Variants in ITPR2 observed in about 807,000 individuals in gnomAD.
ITPR2 encodes the protein inositol 1,4,5-trisphosphate receptor type 2.
Under a neutral mutation model 317.1 loss-of-function variants are expected in ITPR2, and 207 were observed. The observed-to-expected ratio is 0.65, with a 90% confidence interval of 0.58 to 0.73. The LOEUF (loss-of-function observed/expected upper bound fraction) is 0.73, where lower values mean the gene tolerates loss of function less well. Among genes scored for constraint, ITPR2 ranks in the 30% least tolerant of loss-of-function variants. The pLI is 0.00. For missense variants in ITPR2, 2,613 were observed against 3,284.0 expected (o/e 0.80, Z 4.99); for synonymous variants, 1,156 against 1,149.1 (o/e 1.01, Z -0.12).
chr12:26,743,920 G>A (rs1029109920), intron 2 of ITPR2, among the ~76,000 whole-genome samples: 2 of 152,026 alleles, frequency 1.3e-5, no homozygotes, highest in Non-Finnish European at 2.9e-5. Flanking sequence ...AAAACCTCAT[G>A]TCCAAAACAA....
At chr12:26,779,752 G>A (rs111230024) in intron 2 of ITPR2, among the ~76,000 whole-genome samples, 4 of 152,366 alleles carry the variant, frequency 2.6e-5, no homozygotes, top group African/African-American at 9.6e-5. Flanking sequence ...ACTTCAAGCA[G>A]TGCACTTGGT....
At chr12:26,449,188 G>C (rs747534420) in intron 45 of ITPR2, among the ~76,000 whole-genome samples, 1 of 151,982 alleles carries the variant, frequency 6.6e-6, no homozygotes. Context: ...CTGTGACATA[G>C]CAATTGGCTT....
intron 45 of ITPR2, among the ~76,000 whole-genome samples, chr12:26,466,160 TACATTC>T (rs1165389513): frequency 6.6e-6 from 1 of 152,244 alleles, no homozygotes; most frequent in African/African-American, 2.4e-5. Context: ...CAACATTAAT[TACATTC>T]ACTCCTGCTA....
intron 32 of ITPR2, among the ~76,000 whole-genome samples, chr12:26,592,095 G>T (rs1244515350): frequency 6.6e-6 from 1 of 152,202 alleles, no homozygotes; most frequent in African/African-American, 2.4e-5. Flanking sequence ...CCAGTCATCT[G>T]CAACAACATA....
chr12:26,382,042 C>T (rs1939524913), intron 55 of ITPR2, among the ~76,000 whole-genome samples: 1 of 152,150 alleles, frequency 6.6e-6, no homozygotes. Flanking sequence ...AGTCATCATC[C>T]TTTGCTTAAT....
At chr12:26,529,989 AT>A (rs1943907254) in intron 37 of ITPR2, among the ~76,000 whole-genome samples, 1 of 152,160 alleles carries the variant, frequency 6.6e-6, no homozygotes, top group South Asian at 2.1e-4. Flanking sequence ...ATTTAATTAA[AT>A]TTTTATTTTT....
chr12:26,573,781 TGGA>T (rs1278261001), intron 34 of ITPR2, among the ~76,000 whole-genome samples: 2 of 152,032 alleles, frequency 1.3e-5, no homozygotes, highest in African/African-American at 4.8e-5. Context: ...GGAGCAGAGT[TGGA>T]GGAGATGGAG....
chr12:26,824,806 T>G (rs1950986903), intron 1 of ITPR2, among the ~76,000 whole-genome samples: 1 of 152,240 alleles, frequency 6.6e-6, no homozygotes. Flanking sequence ...TTGTTTTGAA[T>G]ATTTTTTATT....
At chr12:26,695,710 A>C in intron 9 of ITPR2, 60 bp from the exon 10 acceptor site, 1 of 1,016,336 alleles carries the variant, frequency 9.8e-7, no homozygotes, top group Non-Finnish European at 1.5e-6. Context: ...TAACAAGACC[A>C]TTGATCTTCA....
chr12:26,800,992 C>A (rs926858078), intron 1 of ITPR2: 4 of 170,196 alleles, frequency 2.4e-5, no homozygotes, highest in Non-Finnish European at 5.0e-5. Flanking sequence ...TCAGAGGCTG[C>A]CACACTGCCT....
intron 5 of ITPR2, among the ~76,000 whole-genome samples, chr12:26,720,038 T>A (rs1282212432): frequency 1.3e-5 from 2 of 152,184 alleles, no homozygotes; most frequent in African/African-American, 4.8e-5. Flanking sequence ...CTCATAGCTG[T>A]CCCTAGTGAC....
intron 23 of ITPR2, among the ~76,000 whole-genome samples, 168 bp from the exon 24 acceptor site, chr12:26,624,524 T>C (rs1404065737): frequency 2.0e-5 from 3 of 152,178 alleles, no homozygotes; most frequent in Admixed American, 1.3e-4. Context: ...AAGATCTGAA[T>C]AGACATTTCT....
rs1275508337 is a variant in ITPR2, at chr12:26,411,392, T to C, written c.7327A>G (p.Met2443Val). Residue 2443 changes from methionine to valine, a missense_variant, in exon 52 of 57, where the codon ATG (methionine) becomes GTG (valine). By Grantham distance (21) the Met-to-Val change is conservative (BLOSUM62 1). This residue lies in a region of ITPR2 where 113 missense variants were observed against 129.2 expected (regional missense o/e 0.87). Transcript: ENST00000381340. ...GCTTCCATCATGGTAGTTAAAGTCA[T>C]AGTAGGCACTTGATGACTGCCTAAG... Reference protein sequence around the residue: ...PVTGSHQVPTMTLTTMMEACA... With the variant: ...PVTGSHQVPTVTLTTMMEACA... 3 of 1,612,798 alleles carry C rather than the reference T, an allele frequency of 1.9e-6. No individual in the cohort carries two copies. The highest frequency in any genetic ancestry group is 2.5e-6 in the Non-Finnish European group (3 of 1,179,108).
chr12:26,472,376 T>C (rs963953688), intron 45 of ITPR2, among the ~76,000 whole-genome samples: 2 of 152,224 alleles, frequency 1.3e-5, no homozygotes, highest in Admixed American at 6.5e-5. Flanking sequence ...TACTTTCTTT[T>C]GTTTTGATGT....
At chr12:26,499,084 G>C (rs948076557) in intron 37 of ITPR2, among the ~76,000 whole-genome samples, 1 of 152,108 alleles carries the variant, frequency 6.6e-6, no homozygotes, top group African/African-American at 2.4e-5. Flanking sequence ...AGATGAAATA[G>C]AAAACTTTTT....
At position 26,436,306 on chromosome 12, in the gene ITPR2, G is replaced by A. The variant is rs1290146594; in HGVS notation, c.6684C>T (p.Leu2228=). ...ALFWFSRHIS[L]WGSISFNLAV... ...CCAGGTTGAAGGAAATGCTCCCCCA[G>A]AGAGAGATGTGCCTCGAGAACCAGA... Residue 2228 remains leucine, a synonymous_variant, in exon 48 of 57, where the codon CTC becomes CTT. Coordinates refer to ENST00000381340, the MANE Select transcript of ITPR2 (RefSeq NM_002223.4). 2 of 1,612,998 alleles carry A rather than the reference G, an allele frequency of 1.2e-6. No homozygotes were observed. The highest frequency in any genetic ancestry group is 1.7e-5 in the Admixed American group (1 of 59,888).
At chr12:26,408,640 T>A (rs1464724278) in intron 52 of ITPR2, among the ~76,000 whole-genome samples, 1 of 152,176 alleles carries the variant, frequency 6.6e-6, no homozygotes. Flanking sequence ...ACTCAGATCC[T>A]CTTCTGGGCC....
chr12:26,357,971 G>A (rs553264054), intron 55 of ITPR2, among the ~76,000 whole-genome samples: 42 of 152,326 alleles, frequency 2.8e-4, no homozygotes, highest in African/African-American at 9.6e-4. Context: ...TGGACATTTG[G>A]TTGAACTATT....
intron 13 of ITPR2, among the ~76,000 whole-genome samples, chr12:26,675,626 G>A (rs368399207): frequency 6.6e-6 from 1 of 151,864 alleles, no homozygotes; most frequent in Non-Finnish European, 1.5e-5. Flanking sequence ...CAGCGCACCA[G>A]CATGGCACAT....
Sources: allele counts gnomAD v4.1 joint callset (sites outside exome capture counted in the v4.1 genomes callset), GRCh38; gene constraint gnomAD v4.1.1; regional missense constraint gnomAD v4.1.1; transcripts MANE v1.5; gene names NCBI Gene and HGNC (gene_info 2026-07-23, HGNC 2026-07-21).